MCM5: variants seen among roughly 807,000 people sequenced by gnomAD.
MCM5 encodes DNA replication licensing factor MCM5.
MCM5 carries 46 observed loss-of-function variants against 79.9 expected under a neutral mutation model. That is an observed-to-expected ratio of 0.58 (90% CI 0.45 to 0.74). MCM5 has a LOEUF of 0.74. Ranked by LOEUF, MCM5 falls within the 30% of genes least tolerant of loss-of-function variation. MCM5 has a pLI of 0.00. For synonymous variants in MCM5, 404 were observed against 390.5 expected (o/e 1.03, Z -0.41); for missense variants, 883 against 1,017.0 (o/e 0.87, Z 1.79).
rs377519794 is a variant in MCM5, at chr22:35,421,302, G to T, written c.1833-16G>T. The T allele has an allele frequency of 6.2e-7, 1 of 1,609,716 alleles. No homozygotes were observed. Among genetic ancestry groups the T allele is most frequent in the Non-Finnish European group, 8.5e-7 (1 of 1,178,280 alleles). On this transcript the variant is annotated splice_polypyrimidine_tract_variant and intron_variant, in intron 14 of 16. Transcript: ENST00000216122. ...AGCGGACCGAGGCTACCCTGAGCAC[G>T]CTGTTGCCCCCACAGGCAGCTGGAG...
chr22:35,420,256 C>T (rs1409428966), intron 14 of MCM5, among the ~76,000 whole-genome samples: 1 of 152,186 alleles, frequency 6.6e-6, no homozygotes, highest in Non-Finnish European at 1.5e-5. Context: ...CTGGCTTCTC[C>T]CATTGTAGGA....
chr22:35,450,033 C>T, the MCM5 span, among the ~76,000 whole-genome samples: 1 of 152,170 alleles, frequency 6.6e-6, no homozygotes, highest in East Asian at 1.9e-4. Context: ...ATCCTCCTGC[C>T]TCAGCCTCCC....
chr22:35,450,357 G>T, the MCM5 span, among the ~76,000 whole-genome samples: 2 of 152,014 alleles, frequency 1.3e-5, no homozygotes, highest in Non-Finnish European at 2.9e-5. Flanking sequence ...CATTAAATGA[G>T]ATCGTGCCTA....
At chr22:35,449,475 G>A in the MCM5 span, among the ~76,000 whole-genome samples, 3 of 152,132 alleles carry the variant, frequency 2.0e-5, no homozygotes, top group African/African-American at 7.2e-5. Flanking sequence ...CCCAGTTGCG[G>A]CTTCTCTGTT....
At chr22:35,451,587 T>TG in the MCM5 span, among the ~76,000 whole-genome samples, 3 of 152,364 alleles carry the variant, frequency 2.0e-5, no homozygotes, top group Admixed American at 2.0e-4. Context: ...GAGGGGGCTT[T>TG]GTGCCCTCAT....
intron 12 of MCM5, 149 bp from the exon 13 acceptor site, chr22:35,417,595 A>G: frequency 1.5e-6 from 1 of 653,468 alleles, no homozygotes; most frequent in South Asian, 1.7e-5. Context: ...GTGCTGAGCA[A>G]ACAGGCTGAG....
At chr22:35,427,250 T>C (rs756925888), downstream of MCM5, among the ~76,000 whole-genome samples, 1 of 152,248 alleles carries the variant, frequency 6.6e-6, no homozygotes, top group Non-Finnish European at 1.5e-5. Context: ...AATTTAGGTT[T>C]CTCTTTATTG....
At chr22:35,400,311 GTCCGGGAGCGCGGCCGGGGGTCCCCCTGC>G in intron 1 of MCM5, 91 bp from the exon 2 acceptor site, 1 of 1,083,958 alleles carries the variant, frequency 9.2e-7, no homozygotes. Flanking sequence ...TGGGGTTGGA[GTCCGGGAGCGCGGCCGGGGGTCCCCCTGC>G]TCCGGACTCA....
At chr22:35,415,525 G>A (rs756238519) in intron 9 of MCM5, among the ~76,000 whole-genome samples, 7 of 152,194 alleles carry the variant, frequency 4.6e-5, no homozygotes, top group Non-Finnish European at 8.8e-5. Context: ...TCTTCTCTGG[G>A]CCTCAGTTTG....
intron 13 of MCM5, among the ~76,000 whole-genome samples, chr22:35,418,681 A>ATG (rs1326439488): frequency 1.7e-5 from 2 of 120,530 alleles, no homozygotes; most frequent in African/African-American, 4.0e-5. Context: ...ATATATATAT[A>ATG]TGTGTACACA....
At chr22:35,434,173 G>A in the MCM5 span, among the ~76,000 whole-genome samples, 1 of 152,128 alleles carries the variant, frequency 6.6e-6, no homozygotes, top group Admixed American at 6.5e-5. Context: ...CTTCTTGATG[G>A]AGGCAGGAGC....
chr22:35,430,367 C>T (rs766004141), downstream of MCM5, among the ~76,000 whole-genome samples: 7 of 152,190 alleles, frequency 4.6e-5, no homozygotes, highest in Non-Finnish European at 8.8e-5. Context: ...AGAGCTTTGC[C>T]AGGAAGTGGG....
the MCM5 span, among the ~76,000 whole-genome samples, chr22:35,445,511 ATT>A: frequency 3.3e-4 from 2 of 6,088 alleles, no homozygotes; most frequent in Non-Finnish European, 4.0e-4. Flanking sequence ...GTATTTTTGT[ATT>A]TTTTTTTTTT....
chr22:35,446,622 C>A, the MCM5 span, among the ~76,000 whole-genome samples: 1 of 152,104 alleles, frequency 6.6e-6, no homozygotes, highest in Non-Finnish European at 1.5e-5. Context: ...TGGAGGGGAA[C>A]AACCGGGGCG....
chr22:35,420,085 G>A, intron 14 of MCM5, 73 bp downstream of exon 14: 1 of 1,514,642 alleles, frequency 6.6e-7, no homozygotes, highest in Non-Finnish European at 8.9e-7. Context: ...TTGGCAACCA[G>A]GGGCAGTGGT....
intron 16 of MCM5, 31 bp downstream of exon 16, chr22:35,423,372 C>A: frequency 6.4e-7 from 1 of 1,564,862 alleles, no homozygotes; most frequent in South Asian, 1.2e-5. Flanking sequence ...GGGTGTGAGC[C>A]GGCACGGGGT....
chr22:35,402,184 A>T (rs1932074552), intron 2 of MCM5, among the ~76,000 whole-genome samples: 1 of 152,126 alleles, frequency 6.6e-6, no homozygotes, highest in African/African-American at 2.4e-5. Flanking sequence ...CCAATGGATC[A>T]TTTGACCCCA....
chr22:35,451,013 G>C, the MCM5 span, among the ~76,000 whole-genome samples: 24 of 152,204 alleles, frequency 1.6e-4, no homozygotes, highest in Admixed American at 1.6e-3. Context: ...GTGAATGAAT[G>C]AATGCACTTG....
the MCM5 span, among the ~76,000 whole-genome samples, chr22:35,432,878 G>A: frequency 9.9e-5 from 15 of 152,180 alleles, no homozygotes; most frequent in East Asian, 1.7e-3. Context: ...CAGGTGTCTC[G>A]GGGGCAGATG....
Sources: allele counts gnomAD v4.1 joint callset (sites outside exome capture counted in the v4.1 genomes callset), GRCh38; gene constraint gnomAD v4.1.1; transcripts MANE v1.5; gene names NCBI Gene and HGNC (gene_info 2026-07-23, HGNC 2026-07-21).